The following TBL1X variants were observed in gnomAD, a reference collection of about 807,000 sequenced individuals.
TBL1X encodes F-box-like/WD repeat-containing protein TBL1X.
A neutral mutation model predicts 50.7 loss-of-function variants in TBL1X; 10 were observed. The observed-to-expected ratio is 0.20, with a 90% confidence interval of 0.12 to 0.33. The LOEUF is 0.33. Among genes scored for constraint, TBL1X ranks in the 10% least tolerant of loss-of-function variants. The pLI, the probability that TBL1X is intolerant of heterozygous loss-of-function variation, is 1.00. For missense variants in TBL1X, 340 were observed against 504.4 expected (o/e 0.67, Z 3.12); for synonymous variants, 190 against 214.7 (o/e 0.88, Z 1.01).
chrX:9,691,476 G>GTAT, intron 7 of TBL1X, 103 bp from the exon 8 acceptor site: 5 of 716,862 alleles, frequency 7.0e-6, no homozygotes, highest in Non-Finnish European at 1.0e-5. Context: ...ATCAGAGGTA[G>GTAT]TATTTAGTAC....
Position 9,491,338 on chromosome X carries a change from A to ATATTT in TBL1X, c.-200-10441_-200-10440insATTTT, listed in dbSNP as rs1328551249. Among the ~76,000 whole-genome samples the ATATTT allele has an allele frequency of 5.9e-3, 185 of 31,237 alleles. 1 individual carries two copies. Among genetic ancestry groups the ATATTT allele is most frequent in the Non-Finnish European group, 9.5e-3 (168 of 17,697 alleles). 27.1% of individuals were successfully genotyped at this position (31,237 alleles called of 115,157 possible). ...TATATATATATATATATATATATAT[A>ATATTT]TTTTTTTTTTTTTTTTCTTTGAGAC... On this transcript the variant is annotated intron_variant, in intron 1 of 17. Transcript: ENST00000645353.
chrX:9,699,392 G>T (rs2083155435), intron 12 of TBL1X, among the ~76,000 whole-genome samples: 1 of 112,042 alleles, frequency 8.9e-6, no homozygotes, highest in Non-Finnish European at 1.9e-5. Flanking sequence ...GACAGAAGTG[G>T]GTAGGTGCCA....
intron 15 of TBL1X, 70 bp downstream of exon 15, chrX:9,709,830 C>T (rs1252663224): frequency 1.0e-5 from 12 of 1,150,735 alleles, no homozygotes; most frequent in African/African-American, 1.8e-5. Flanking sequence ...TGCTAAAGCG[C>T]GTCCATGCAC....
chrX:9,520,326 C>T (rs1177926019), intron 2 of TBL1X, among the ~76,000 whole-genome samples: 7 of 111,483 alleles, frequency 6.3e-5, no homozygotes, highest in Admixed American at 9.6e-5. Flanking sequence ...CGCCCCCCAC[C>T]GAGGGACTGT....
intron 2 of TBL1X, among the ~76,000 whole-genome samples, chrX:9,572,337 G>A (rs778939824): frequency 3.5e-5 from 4 of 112,758 alleles, no homozygotes; most frequent in East Asian, 2.8e-4. Context: ...AGCTTCTCCC[G>A]AGCTTCCTGC....
chrX:9,522,550 C>T (rs1601730867), intron 2 of TBL1X, among the ~76,000 whole-genome samples: 1 of 111,502 alleles, frequency 9.0e-6, no homozygotes, highest in African/African-American at 3.3e-5. Flanking sequence ...GAACAGGGCC[C>T]GTGCTCACGT....
chrX:9,606,464 T>A (rs1460990750), intron 2 of TBL1X, among the ~76,000 whole-genome samples: 2 of 111,350 alleles, frequency 1.8e-5, no homozygotes, highest in East Asian at 5.7e-4. Context: ...GTCAGTTCAT[T>A]AGAAAGTAGT....
intron 5 of TBL1X, among the ~76,000 whole-genome samples, chrX:9,665,497 AT>A (rs1185772650): frequency 9.6e-5 from 2 of 20,863 alleles, no homozygotes; most frequent in African/African-American, 4.5e-4. Context: ...AGCTATATAT[AT>A]ATATATATAT....
chrX:9,631,867 C>T (rs193078034), intron 2 of TBL1X, among the ~76,000 whole-genome samples: 1 of 112,904 alleles, frequency 8.9e-6, no homozygotes, highest in Non-Finnish European at 1.9e-5. Flanking sequence ...GGACTCCCTT[C>T]AGTCTGTCTT....
intron 5 of TBL1X, among the ~76,000 whole-genome samples, chrX:9,673,348 G>A (rs943934808): frequency 2.7e-5 from 3 of 112,041 alleles, no homozygotes; most frequent in African/African-American, 9.8e-5. Flanking sequence ...TTTTGTTGTA[G>A]TAACAATATC....
intron 1 of TBL1X, among the ~76,000 whole-genome samples, chrX:9,466,286 G>C (rs1371833207): frequency 1.8e-5 from 2 of 112,369 alleles, no homozygotes; most frequent in African/African-American, 6.5e-5. Flanking sequence ...GCGCCTTCGG[G>C]AGTCGGCGCT....
At chrX:9,693,255 T>A (rs1569101367) in intron 10 of TBL1X, 43 bp downstream of exon 10, 4 of 1,209,458 alleles carry the variant, frequency 3.3e-6, no homozygotes, top group Non-Finnish European at 4.5e-6. Context: ...TAAGAGGAGC[T>A]GCCGAACTTA....
chrX:9,618,183 C>T (rs1341252889), intron 2 of TBL1X, among the ~76,000 whole-genome samples: 1 of 111,466 alleles, frequency 9.0e-6, no homozygotes, highest in Non-Finnish European at 1.9e-5. Context: ...AAAGACACCA[C>T]TAGAGCACAC....
chrX:9,496,220 G>A (rs1370291535), intron 1 of TBL1X, among the ~76,000 whole-genome samples: 2 of 112,033 alleles, frequency 1.8e-5, no homozygotes, highest in Non-Finnish European at 3.8e-5. Flanking sequence ...GGAGATGAAA[G>A]AGAGGTGGGG....
At chrX:9,496,833 G>A (rs2081973492) in intron 1 of TBL1X, among the ~76,000 whole-genome samples, 1 of 111,709 alleles carries the variant, frequency 9.0e-6, no homozygotes, top group Admixed American at 9.5e-5. Flanking sequence ...TTTATGAGAG[G>A]ACGGTGGTTG....
At chrX:9,551,714 T>C (rs1200601414) in intron 2 of TBL1X, among the ~76,000 whole-genome samples, 1 of 111,034 alleles carries the variant, frequency 9.0e-6, no homozygotes, top group Non-Finnish European at 1.9e-5. Context: ...GGAGAAGATA[T>C]GGGATGTTTT....
intron 3 of TBL1X, among the ~76,000 whole-genome samples, chrX:9,642,817 A>G (rs1361095314): frequency 2.7e-5 from 3 of 112,678 alleles, no homozygotes; most frequent in African/African-American, 9.7e-5. Context: ...ACAGAAATGT[A>G]TGAACATGGC....
chrX:9,565,458 C>A (rs1391999981), intron 2 of TBL1X, among the ~76,000 whole-genome samples: 3 of 110,536 alleles, frequency 2.7e-5, no homozygotes, highest in Non-Finnish European at 3.8e-5. Context: ...ACAATCCTTA[C>A]CTATGTGTGT....
chrX:9,689,054 G>T (rs982520503), intron 7 of TBL1X, among the ~76,000 whole-genome samples: 7 of 113,692 alleles, frequency 6.2e-5, no homozygotes, highest in African/African-American at 2.2e-4. Flanking sequence ...GTATATGCGT[G>T]TGCGCACCTG....
Sources: allele counts gnomAD v4.1 joint callset (sites outside exome capture counted in the v4.1 genomes callset), GRCh38; gene constraint gnomAD v4.1.1; transcripts MANE v1.5; gene names NCBI Gene and HGNC (gene_info 2026-07-23, HGNC 2026-07-21).